The following SOS1 variants were observed in gnomAD, a reference collection of about 807,000 sequenced individuals.
The protein encoded by SOS1 is son of sevenless homolog 1.
A neutral mutation model predicts 157.6 loss-of-function variants in SOS1; 25 were observed. The ratio of observed to expected loss-of-function variants is 0.16; its 90% confidence interval spans 0.12 to 0.22. The LOEUF (loss-of-function observed/expected upper bound fraction) is 0.22, where lower values mean the gene tolerates loss of function less well. SOS1 is among the 10% of genes least tolerant of loss of function. The probability of loss-of-function intolerance (pLI) is 1.00; values close to 1 mark genes in which losing one functional copy is unlikely to be tolerated. For missense variants in SOS1, 1,237 were observed against 1,599.1 expected (o/e 0.77, Z 3.86); for synonymous variants, 528 against 534.0 (o/e 0.99, Z 0.16).
chr2:39,020,871 A>G (rs1669773910), intron 10 of SOS1, among the ~76,000 whole-genome samples: 1 of 145,010 alleles, frequency 6.9e-6, no homozygotes. Flanking sequence ...ATATTCAGTT[A>G]AGCTTCAAAA....
chr2:39,092,915 A>G (rs1285954713), intron 1 of SOS1, among the ~76,000 whole-genome samples: 1 of 152,242 alleles, frequency 6.6e-6, no homozygotes, highest in Non-Finnish European at 1.5e-5. Context: ...AAAAGTTTAA[A>G]ATGAAAATGA....
intron 17 of SOS1, among the ~76,000 whole-genome samples, chr2:38,998,214 C>T (rs1268681559): frequency 1.3e-5 from 2 of 151,986 alleles, no homozygotes; most frequent in African/African-American, 4.8e-5. Flanking sequence ...GTTCTGCTGC[C>T]TTCTCTGTGT....
At chr2:39,043,045 T>C (rs769727523) in intron 6 of SOS1, among the ~76,000 whole-genome samples, 6 of 152,224 alleles carry the variant, frequency 3.9e-5, no homozygotes, top group East Asian at 1.9e-4. Context: ...TTAGAGTGAA[T>C]AGAAGTGGTG....
Position 38,984,658 on chromosome 2 carries a change from G to A in SOS1, c.*1166C>T, listed in dbSNP as rs969823815. Reference sequence around the variant, plus strand: ...ACGTGCTTTTATGTTTAGTGTTTTTGTGTGTTTTTCAACTAAAAGAAATAA... The same window carrying A: ...ACGTGCTTTTATGTTTAGTGTTTTTATGTGTTTTTCAACTAAAAGAAATAA... On this transcript the variant is annotated 3_prime_UTR_variant, in exon 23 of 23. Transcript: ENST00000402219. 3.3e-5 allele frequency: 5 copies of A among 152,084 alleles called. No individual in the cohort carries two copies. The highest frequency in any genetic ancestry group is 4.8e-5 in the African/African-American group (2 of 41,394). The allele number at this position is 152,084 out of a possible 1,614,324, so 9.4% of individuals were successfully genotyped here. A position where few individuals can be genotyped will look rare whatever the true frequency, so the allele number is the denominator to read the frequency against.
intron 1 of SOS1, among the ~76,000 whole-genome samples, chr2:39,105,676 T>C (rs1191830969): frequency 6.6e-6 from 1 of 152,030 alleles, no homozygotes; most frequent in Non-Finnish European, 1.5e-5. Flanking sequence ...GGTGGGTAGA[T>C]GACCTGAAAT....
chr2:39,075,280 C>CA (rs1225368030), intron 1 of SOS1, among the ~76,000 whole-genome samples: 1 of 151,886 alleles, frequency 6.6e-6, no homozygotes. Context: ...GTGGTGGGGG[C>CA]AGCAACAAGA....
At chr2:39,092,253 G>A (rs948375407) in intron 1 of SOS1, among the ~76,000 whole-genome samples, 7 of 152,124 alleles carry the variant, frequency 4.6e-5, no homozygotes, top group South Asian at 2.1e-4. Context: ...AGGCTGGAGT[G>A]TAGTGGGAGG....
At chr2:39,017,507 G>A (rs539126071) in intron 10 of SOS1, among the ~76,000 whole-genome samples, 1 of 152,094 alleles carries the variant, frequency 6.6e-6, no homozygotes, top group East Asian at 1.9e-4. Flanking sequence ...GCAGCTGGCA[G>A]TGAAATAAAC....
chr2:39,045,273 A>AGTGAGT (rs1670735981), intron 6 of SOS1, among the ~76,000 whole-genome samples: 3 of 108,048 alleles, frequency 2.8e-5, no homozygotes, highest in African/African-American at 1.0e-4. Flanking sequence ...AGAGAGAGAG[A>AGTGAGT]GTGTGTGTGT....
At position 39,006,329 on chromosome 2, in the gene SOS1, A is replaced by G. The variant is rs1669281615; in HGVS notation, c.2791+83T>C. ...CAAGTATTTTCTGCTGGCATATTAC[A>G]CATGTAATTATTCAGTCATTTAATG... On this transcript the variant is annotated intron_variant, in intron 17 of 22. Transcript: ENST00000402219. The G allele has an allele frequency of 3.7e-6, 3 of 801,370 alleles. No homozygotes were observed. In the South Asian group the frequency reaches 4.0e-5, roughly 11 times the overall value. The allele number at this position is 801,370 out of a possible 1,614,324, so 49.6% of individuals were successfully genotyped here.
At chr2:39,119,286 G>A (rs1673775254) in intron 1 of SOS1, among the ~76,000 whole-genome samples, 1 of 152,182 alleles carries the variant, frequency 6.6e-6, no homozygotes, top group South Asian at 2.1e-4. Flanking sequence ...AGAAATATAT[G>A]AGCAAATTCT....
intron 1 of SOS1, among the ~76,000 whole-genome samples, chr2:39,089,116 C>T (rs1672486413): frequency 6.6e-6 from 1 of 152,158 alleles, no homozygotes; most frequent in Non-Finnish European, 1.5e-5. Context: ...GTGATACTGA[C>T]AGAGTGGCCA....
chr2:39,024,953 C>A (rs1669908863), intron 8 of SOS1, among the ~76,000 whole-genome samples: 1 of 152,098 alleles, frequency 6.6e-6, no homozygotes, highest in African/African-American at 2.4e-5. Flanking sequence ...CTGTGTCAGA[C>A]AGAACGTCTC....
intron 1 of SOS1, among the ~76,000 whole-genome samples, chr2:39,088,206 G>A (rs1216550437): frequency 4.4e-4 from 2 of 4,498 alleles, no homozygotes; most frequent in Admixed American, 1.5e-3. Flanking sequence ...CTTAAACCAT[G>A]CATAACAATA....
intron 1 of SOS1, among the ~76,000 whole-genome samples, chr2:39,085,356 C>G: frequency 6.6e-6 from 1 of 152,166 alleles, no homozygotes; most frequent in Non-Finnish European, 1.5e-5. Context: ...TTATCCTACC[C>G]TATTTTAAGT....
Position 38,986,079 on chromosome 2 carries a change from G to A in SOS1, c.3747C>T (p.Phe1249=), listed in dbSNP as rs775837423. Residue 1249 remains phenylalanine (F), a synonymous_variant, in exon 23 of 23, where the codon TTC becomes TTT. Transcript: ENST00000402219. ...GKKSDHGNAF[F]PNSPSPFTPP... Reference sequence around the variant, plus strand: ...GTGTAAAGGGGGAAGGGCTGTTTGGGAAGAAGGCATTGCCATGGTCACTTT... The same window carrying A: ...GTGTAAAGGGGGAAGGGCTGTTTGGAAAGAAGGCATTGCCATGGTCACTTT... 17 of 1,613,926 alleles carry A rather than the reference G, an allele frequency of 1.1e-5. No homozygotes were observed. The highest frequency in any genetic ancestry group is 1.4e-5 in the Non-Finnish European group (17 of 1,179,922).
chr2:39,080,328 C>T (rs944985904), intron 1 of SOS1, among the ~76,000 whole-genome samples: 8 of 152,100 alleles, frequency 5.3e-5, no homozygotes, highest in Admixed American at 3.3e-4. Flanking sequence ...GGAGTTTTGG[C>T]GGTAATGCGA....
intron 1 of SOS1, among the ~76,000 whole-genome samples, chr2:39,112,972 G>T (rs1178773801): frequency 6.6e-6 from 1 of 151,790 alleles, no homozygotes; most frequent in African/African-American, 2.4e-5. Context: ...GGAGGTGGAG[G>T]CTACAGTGAG....
At position 39,035,216 on chromosome 2, in the gene SOS1, A is replaced by G; in HGVS notation, c.1070T>C (p.Leu357Ser). ...AACAATAAAGAGTTTTCTTACCTTCAAAAGTTCAAAGTAATGGAGACAGTG... is the reference window on the plus strand; with the variant it reads ...AACAATAAAGAGTTTTCTTACCTTCGAAAGTTCAAAGTAATGGAGACAGTG... Reference protein sequence around the residue: ...VYHCLHYFELLKQLEEKSEDQ... With the variant: ...VYHCLHYFELSKQLEEKSEDQ... Residue 357 changes from leucine (L) to serine (S), a missense_variant, in exon 8 of 23, where the codon TTG becomes TCG. Around this residue, in one of 15 missense-constraint regions of SOS1, gnomAD observed 101 missense variants for 171.5 expected, o/e 0.59. Transcript: ENST00000402219. The G allele has an allele frequency of 6.2e-7, 1 of 1,608,698 alleles. No individual in the cohort carries two copies. The highest frequency in any genetic ancestry group is 8.5e-7 in the Non-Finnish European group (1 of 1,175,236).
Sources: gnomAD v4.1 joint callset for allele counts (sites outside exome capture counted in the v4.1 genomes callset) on GRCh38, gnomAD v4.1.1 for gene constraint, gnomAD v4.1.1 regional missense constraint, MANE v1.5 for transcripts, NCBI Gene and HGNC (gene_info 2026-07-23, HGNC 2026-07-21) for gene names.